The following NAT10 variants were observed in gnomAD, a reference collection of about 807,000 sequenced individuals.
NAT10 encodes the protein N-acetyltransferase 10.
Under a neutral mutation model 132.2 loss-of-function variants are expected in NAT10, and 109 were observed. The ratio of observed to expected loss-of-function variants is 0.82; its 90% confidence interval spans 0.71 to 0.97. NAT10 has a LOEUF of 0.97. Ranked by LOEUF, NAT10 falls within the 50% of genes least tolerant of loss-of-function variation. The pLI, the probability that NAT10 is intolerant of heterozygous loss-of-function variation, is 0.00. For missense variants in NAT10, 1,184 were observed against 1,263.4 expected (o/e 0.94, Z 0.95); for synonymous variants, 479 against 478.0 (o/e 1.00, Z -0.03).
intron 21 of NAT10, among the ~76,000 whole-genome samples, chr11:34,137,739 A>G (rs1336688404): frequency 6.6e-6 from 1 of 152,226 alleles, no homozygotes; most frequent in Non-Finnish European, 1.5e-5. Flanking sequence ...TTGGACCCTA[A>G]CGTTTAGAGG....
intron 3 of NAT10, among the ~76,000 whole-genome samples, chr11:34,111,209 C>T (rs190545322): frequency 6.6e-6 from 1 of 152,314 alleles, no homozygotes; most frequent in Non-Finnish European, 1.5e-5. Flanking sequence ...CCACCCCTGT[C>T]TTAGTCTGGC....
chr11:34,105,812 C>G lies in NAT10; in HGVS notation c.-16+20C>G, dbSNP rs1851584233. The G allele has an allele frequency of 6.6e-6, 1 of 152,384 alleles. No homozygotes were observed. Among genetic ancestry groups the G allele is most frequent in the African/African-American group, 2.4e-5 (1 of 41,472 alleles). The allele number at this position is 152,384 out of a possible 1,614,324, so 9.4% of individuals were successfully genotyped here. On this transcript the variant is annotated intron_variant, in intron 1 of 28. Transcript: ENST00000257829. ...GCGCAGGTACCCAACGCGGGAGGGCCGGGTATGGATGCCAAGATCGGTGTC... is the reference window on the plus strand; with the variant it reads ...GCGCAGGTACCCAACGCGGGAGGGCGGGGTATGGATGCCAAGATCGGTGTC...
In NAT10 at chr11:34,143,472, G is replaced by A. The variant is rs1170854461; in HGVS notation, c.2913G>A (p.Glu971=). The change falls in exon 28 of 29, where the codon GAG becomes GAA. Residue 971 remains glutamate (E), a synonymous_variant. Coordinates refer to ENST00000257829, the MANE Select transcript of NAT10 (RefSeq NM_024662.3). ...SEYIIRGDDE[E]WNEVLNKAGP... is the part of the protein sequence containing the mutation. ...ACATAATCCGTGGGGACGATGAAGAGTGGAATGAAGTTTTGAACAAAGCTG... is the reference window on the plus strand; with the variant it reads ...ACATAATCCGTGGGGACGATGAAGAATGGAATGAAGTTTTGAACAAAGCTG... 6.2e-7 allele frequency: 1 copy of A among 1,614,104 alleles called. No individual in the cohort carries two copies. The highest frequency in any genetic ancestry group is 2.2e-5 in the East Asian group (1 of 44,876).
At chr11:34,124,459 C>A in intron 11 of NAT10, 59 bp downstream of exon 11, 2 of 1,255,858 alleles carry the variant, frequency 1.6e-6, no homozygotes, top group Non-Finnish European at 1.2e-6. Context: ...ATTTAACTGG[C>A]TCTAAGATGT....
chr11:34,136,890 G>T (rs1431485560), intron 20 of NAT10, 88 bp from the exon 21 acceptor site: 2 of 1,608,538 alleles, frequency 1.2e-6, no homozygotes, highest in East Asian at 2.2e-5. Flanking sequence ...TATTTGTGGC[G>T]TGCTCTTCCT....
intron 5 of NAT10, among the ~76,000 whole-genome samples, chr11:34,114,852 T>C (rs564654330): frequency 1.3e-5 from 2 of 152,318 alleles, no homozygotes; most frequent in South Asian, 4.1e-4. Flanking sequence ...CCTGTACTAG[T>C]CTCTAAATTT....
chr11:34,116,061 T>C (rs1215504080), intron 6 of NAT10, among the ~76,000 whole-genome samples, 177 bp downstream of exon 6: 6 of 152,178 alleles, frequency 3.9e-5, no homozygotes, highest in Non-Finnish European at 8.8e-5. Context: ...TGAAACGTGG[T>C]GGAAAGTTGG....
chr11:34,136,170 C>T (rs1199172112), intron 19 of NAT10, among the ~76,000 whole-genome samples: 1 of 151,896 alleles, frequency 6.6e-6, no homozygotes, highest in African/African-American at 2.4e-5. Flanking sequence ...CAACCTCTGC[C>T]TCCCAGGTTC....
chr11:34,144,741 G>A lies in NAT10; in HGVS notation c.2969+1213G>A, dbSNP rs575287233. On this transcript the variant is annotated intron_variant, in intron 28 of 28. Transcript: ENST00000257829. ...GAACCTTCATCAGTTTTCCCTGGGA[G>A]TACAATGAGGCCTCCCCTGCCCAGA... Among the ~76,000 whole-genome samples the A allele has an allele frequency of 5.9e-5, 9 of 152,318 alleles. No individual in the cohort carries two copies. The South Asian group carries it at 1.9e-3, about 32-fold the overall frequency.
At chr11:34,138,143 G>A (rs1852252304) in intron 21 of NAT10, among the ~76,000 whole-genome samples, 3 of 152,220 alleles carry the variant, frequency 2.0e-5, no homozygotes. Context: ...TAGTGGTATG[G>A]GTGAGGGGGG....
Position 34,139,051 on chromosome 11 carries a change from G to A in NAT10, c.2212-140G>A, listed in dbSNP as rs945131147. 1.6e-5 allele frequency: 11 copies of A among 694,676 alleles called. No homozygotes were observed. In the African/African-American group the frequency reaches 1.6e-4, roughly 10 times the overall value. 43.0% of individuals were successfully genotyped at this position (694,676 alleles called of 1,614,324 possible). A position where few individuals can be genotyped will look rare whatever the true frequency, so the allele number is the denominator to read the frequency against. On this transcript the variant is annotated intron_variant, in intron 21 of 28. Coordinates refer to ENST00000257829, the MANE Select transcript of NAT10 (RefSeq NM_024662.3). ...TGAAGGCGAGGGCTGTTTGAGAAGGGCGCCTACCCCCAGCCTGGAAAGAAG... is the reference window on the plus strand; with the variant it reads ...TGAAGGCGAGGGCTGTTTGAGAAGGACGCCTACCCCCAGCCTGGAAAGAAG...
At chr11:34,126,976 C>T (rs372843633) in intron 11 of NAT10, among the ~76,000 whole-genome samples, 1 of 152,138 alleles carries the variant, frequency 6.6e-6, no homozygotes, top group Non-Finnish European at 1.5e-5. Context: ...ATGAGAAATC[C>T]GACATCCTCC....
In NAT10 at chr11:34,139,398, G is replaced by T. The variant is rs575253922; in HGVS notation, c.2322G>T (p.Arg774=). The change falls in exon 23 of 29, where the codon CGG becomes CGT. Residue 774 remains arginine (R), a synonymous_variant. Coordinates refer to ENST00000257829, the MANE Select transcript of NAT10 (RefSeq NM_024662.3). Reference sequence around the variant, plus strand: ...GGCACCCCACAGATTTCCGACGGCGGTTCCTAGCCTTGCTCTCCTACCAGT... The same window carrying T: ...GGCACCCCACAGATTTCCGACGGCGTTTCCTAGCCTTGCTCTCCTACCAGT... ...LAAFWKDFRR[R]FLALLSYQFS... 2 of 1,614,154 alleles carry T rather than the reference G, an allele frequency of 1.2e-6. No individual in the cohort carries two copies. The highest frequency in any genetic ancestry group is 3.3e-5 in the Admixed American group (2 of 60,018).
Position 34,127,555 on chromosome 11 carries a change from C to A in NAT10, c.1200C>A (p.Ser400Arg). ...CCATCCCCCTCCCCTTGGTGAAGAGCCTACTTGGCCCCTACCTTGTTTTCA... is the reference window on the plus strand; with the variant it reads ...CCATCCCCCTCCCCTTGGTGAAGAGACTACTTGGCCCCTACCTTGTTTTCA... ...AAAIPLPLVKSLLGPYLVFMA... is the reference protein window; with the variant it reads ...AAAIPLPLVKRLLGPYLVFMA... The change falls in exon 12 of 29, where the codon AGC (serine) becomes AGA (arginine). Residue 400 changes from serine to arginine, a missense_variant. Physicochemically the swap from Ser to Arg is moderately radical, Grantham distance 110 (BLOSUM62 -1). Transcript: ENST00000257829. 1 of 1,613,990 alleles carries A rather than the reference C, an allele frequency of 6.2e-7. No homozygotes were observed. The highest frequency in any genetic ancestry group is 8.5e-7 in the Non-Finnish European group (1 of 1,179,850).
intron 5 of NAT10, 28 bp downstream of exon 5, chr11:34,113,866 T>G (rs1260064770): frequency 1.2e-6 from 2 of 1,609,612 alleles, no homozygotes; most frequent in East Asian, 2.2e-5. Flanking sequence ...AACTTAATTG[T>G]GAGGGTTCAA....
At chr11:34,108,609 C>G in intron 2 of NAT10, 133 bp from the exon 3 acceptor site, 1 of 837,760 alleles carries the variant, frequency 1.2e-6, no homozygotes, top group Non-Finnish European at 1.9e-6. Flanking sequence ...GGTCATTGCT[C>G]GCCTTAGAAC....
At position 34,122,658 on chromosome 11, in the gene NAT10, G is replaced by A. The variant is rs1851915596; in HGVS notation, c.914+66G>A. The A allele has an allele frequency of 4.4e-6, 7 of 1,585,036 alleles. No individual in the cohort carries two copies. In the South Asian group the frequency reaches 7.9e-5, roughly 18 times the overall value. On this transcript the variant is annotated intron_variant, in intron 9 of 28. Coordinates refer to ENST00000257829, the MANE Select transcript of NAT10 (RefSeq NM_024662.3). ...CTGTGGGGGTAGTGTGCAGGGTTGGGGTCAGAGGACTGGTATCTCACGTTC... is the reference window on the plus strand; with the variant it reads ...CTGTGGGGGTAGTGTGCAGGGTTGGAGTCAGAGGACTGGTATCTCACGTTC...
intron 10 of NAT10, 24 bp from the exon 11 acceptor site, chr11:34,124,278 G>T (rs1180619755): frequency 4.0e-6 from 6 of 1,496,660 alleles, no homozygotes; most frequent in African/African-American, 1.4e-5. Context: ...TCTAAAGTTT[G>T]TCATTGGTTT....
chr11:34,144,165 T>C (rs1308308974), intron 28 of NAT10, among the ~76,000 whole-genome samples: 1 of 152,160 alleles, frequency 6.6e-6, no homozygotes, highest in East Asian at 1.9e-4. Flanking sequence ...CCAGGTGCAG[T>C]GGCTCACGCC....
Sources: allele counts gnomAD v4.1 joint callset (sites outside exome capture counted in the v4.1 genomes callset), GRCh38; gene constraint gnomAD v4.1.1; transcripts MANE v1.5; gene names NCBI Gene and HGNC (gene_info 2026-07-23, HGNC 2026-07-21).